PDXDC1: variants seen among roughly 807,000 people sequenced by gnomAD.
PDXDC1 encodes pyridoxal dependent decarboxylase domain containing 1.
In PDXDC1, 42 loss-of-function variants were observed where a neutral mutation model predicts 100.1. The ratio of observed to expected loss-of-function variants is 0.42; its 90% CI spans 0.33 to 0.54. The LOEUF (loss-of-function observed/expected upper bound fraction) is 0.54. PDXDC1 is among the 20% of genes least tolerant of loss of function. The pLI, the probability that PDXDC1 is intolerant of heterozygous loss-of-function variation, is 0.10. For missense variants in PDXDC1, 636 were observed against 979.2 expected (o/e 0.65, Z 4.68); for synonymous variants, 260 against 371.7 (o/e 0.70, Z 3.46).
chr16:15,140,692 T>C (rs2048458799), downstream of PDXDC1, among the ~76,000 whole-genome samples: 1 of 152,038 alleles, frequency 6.6e-6, no homozygotes, highest in Non-Finnish European at 1.5e-5. Context: ...GCTGGTGATG[T>C]GGAGGTGAGA....
chr16:15,150,039 C>G, the PDXDC1 span, among the ~76,000 whole-genome samples: 1 of 151,978 alleles, frequency 6.6e-6, no homozygotes, highest in Admixed American at 6.6e-5. Context: ...GGAAGGGAAG[C>G]TCCTAGACAT....
chr16:14,985,129 G>A (rs532538468), intron 1 of PDXDC1, among the ~76,000 whole-genome samples: 2 of 152,192 alleles, frequency 1.3e-5, no homozygotes, highest in African/African-American at 2.4e-5. Context: ...TGCCCACCCC[G>A]GCCTCCCAAA....
chr16:15,125,591 C>T lies in PDXDC1; in HGVS notation c.1400-13288C>T, dbSNP rs574202127. On this transcript the variant is annotated intron_variant, in intron 16 of 16. Transcript: ENST00000535621. ...AGAAACAAGTCACTCTTCACCTGTC[C>T]AGCAAAGGCCTGCTGAGAGGTGCAC... 8.2e-5 allele frequency: 116 copies of T among 1,422,190 alleles called. No homozygotes were observed. In the Middle Eastern group the frequency reaches 3.2e-3, roughly 39 times the overall value. The allele number at this position is 1,422,190 out of a possible 1,614,324, so 88.1% of individuals were successfully genotyped here.
intron 16 of PDXDC1, chr16:15,134,041 G>A (rs1161664255): frequency 1.9e-6 from 3 of 1,566,828 alleles, no homozygotes; most frequent in Non-Finnish European, 2.6e-6. Context: ...TCCAGCACCA[G>A]TGTCTTGTTG....
At chr16:15,089,427 AGAGT>A (rs1333864741) in intron 16 of PDXDC1, among the ~76,000 whole-genome samples, 1 of 152,184 alleles carries the variant, frequency 6.6e-6, no homozygotes, top group Non-Finnish European at 1.5e-5. Context: ...AAGAATCAAC[AGAGT>A]GAGAAAAGAG....
chr16:14,990,076 G>C lies in PDXDC1; in HGVS notation c.22-7677G>C, dbSNP rs571803269. ...CCCCCAAACCACAGAAGCAGCAGTAGGAGGCCAAGCAGGCAGAGGAGGCGG... is the reference window on the plus strand; with the variant it reads ...CCCCCAAACCACAGAAGCAGCAGTACGAGGCCAAGCAGGCAGAGGAGGCGG... On this transcript the variant is annotated intron_variant, in intron 1 of 22. Transcript: ENST00000396410. The C allele has an allele frequency of 1.1e-4, 171 of 1,494,750 alleles. 1 individual carries two copies. The East Asian group carries it at 2.7e-3, about 23-fold the overall frequency. 92.6% of individuals were successfully genotyped at this position (1,494,750 alleles called of 1,614,324 possible). A position where few individuals can be genotyped will look rare whatever the true frequency, so the allele number is the denominator to read the frequency against.
intron 8 of PDXDC1, among the ~76,000 whole-genome samples, chr16:15,015,411 C>T (rs1251485101): frequency 1.3e-5 from 2 of 152,186 alleles, no homozygotes; most frequent in East Asian, 1.9e-4. Context: ...GATGTAATCT[C>T]CTAAAAGAAA....
At chr16:15,023,444 G>A (rs2042351127) in intron 13 of PDXDC1, among the ~76,000 whole-genome samples, 1 of 152,292 alleles carries the variant, frequency 6.6e-6, no homozygotes, top group Non-Finnish European at 1.5e-5. Context: ...ACATTTGAGT[G>A]TATTTGGGGT....
At chr16:15,077,934 G>A (rs1316680053) in intron 16 of PDXDC1, among the ~76,000 whole-genome samples, 6 of 152,158 alleles carry the variant, frequency 3.9e-5, no homozygotes, top group African/African-American at 1.4e-4. Flanking sequence ...CTATGCACAA[G>A]ACACTCACAG....
chr16:15,031,878 C>T lies in PDXDC1; in HGVS notation c.1543C>T (p.Pro515Ser). The T allele has an allele frequency of 6.2e-7, 1 of 1,612,844 alleles. No individual in the cohort carries two copies. Among genetic ancestry groups the T allele is most frequent in the Non-Finnish European group, 8.5e-7 (1 of 1,179,420 alleles). The change falls in exon 17 of 23, where the codon CCT becomes TCT. Residue 515 changes from proline to serine, a missense_variant. By Grantham distance (74) the Pro-to-Ser change is moderately conservative. Around this residue, in one of 4 missense-constraint regions of PDXDC1, gnomAD observed 452 missense variants for 402.9 expected, o/e 1.12. Coordinates refer to ENST00000396410, the MANE Select transcript of PDXDC1 (RefSeq NM_015027.4). ...ATAGLLYVDD[P>S]NWSGIGVVRY... ...AGCAGGTCTCCTATATGTTGATGAC[C>T]CTAACTGGTCTGGAATAGGGGTTGT...
In PDXDC1 at chr16:15,007,157, C is replaced by CTTTTTTTTT. The variant is rs56256230; in HGVS notation, c.579+597_579+605dup. Among the ~76,000 whole-genome samples, 4 of 73,958 alleles carry CTTTTTTTTT rather than the reference C, an allele frequency of 5.4e-5. 2 individuals are homozygous for CTTTTTTTTT. Among genetic ancestry groups the CTTTTTTTTT allele is most frequent in the Non-Finnish European group, 9.4e-5 (4 of 42,648 alleles). The allele number at this position is 73,958 out of a possible 152,430, so 48.5% of individuals were successfully genotyped here. A position where few individuals can be genotyped will look rare whatever the true frequency, so the allele number is the denominator to read the frequency against. On this transcript the variant is annotated intron_variant, in intron 6 of 22. Transcript: ENST00000396410. ...AGAATTGCTGGATCAAAGAGCATGA[C>CTTTTTTTTT]TTTTTTTTTTTTTTTTTTTTTTTTT...
chr16:14,984,916 C>T lies in PDXDC1; in HGVS notation c.21+9696C>T, dbSNP rs571211109. ...CTGAAACAGAGTCTTGCTCTGTCAC[C>T]TAGGCTGGAGTGCAGTGGTGCATTC... On this transcript the variant is annotated intron_variant, in intron 1 of 22. Coordinates refer to ENST00000396410, the MANE Select transcript of PDXDC1 (RefSeq NM_015027.4). Among the ~76,000 whole-genome samples, 8 of 152,356 alleles carry T rather than the reference C, an allele frequency of 5.3e-5. No individual in the cohort carries two copies. The East Asian group carries it at 1.5e-3, about 29-fold the overall frequency.
chr16:14,986,445 G>T (rs1268282133), intron 1 of PDXDC1, among the ~76,000 whole-genome samples: 1 of 152,290 alleles, frequency 6.6e-6, no homozygotes, highest in Non-Finnish European at 1.5e-5. Flanking sequence ...CTCCAGCCTG[G>T]GAGACAGAAT....
chr16:15,148,437 G>A, the PDXDC1 span, among the ~76,000 whole-genome samples: 1 of 129,602 alleles, frequency 7.7e-6, no homozygotes, highest in Non-Finnish European at 1.6e-5. Flanking sequence ...AGCCTGGAGT[G>A]CAGTGGTGTG....
chr16:14,984,315 CT>C (rs1167894912), intron 1 of PDXDC1, among the ~76,000 whole-genome samples: 15,638 of 106,260 alleles, frequency 0.15, 407 homozygotes, highest in East Asian at 0.3. Context: ...GCACCCCCGC[CT>C]TTTTTTTTTT....
intron 16 of PDXDC1, among the ~76,000 whole-genome samples, chr16:15,128,773 ACCT>A (rs2047898205): frequency 6.7e-6 from 1 of 148,600 alleles, no homozygotes; most frequent in African/African-American, 2.5e-5. Context: ...AAGCTGTGTC[ACCT>A]CCTCTCCCAG....
At chr16:15,063,283 C>G (rs571309624) in intron 16 of PDXDC1, 18 of 1,606,908 alleles carry the variant, frequency 1.1e-5, no homozygotes, top group Non-Finnish European at 1.5e-5. Context: ...ATTTCTTTGA[C>G]CTGTCAACAA....
intron 16 of PDXDC1, among the ~76,000 whole-genome samples, chr16:15,074,209 T>C (rs1427687195): frequency 6.6e-6 from 1 of 152,198 alleles, no homozygotes; most frequent in East Asian, 1.9e-4. Context: ...CAACTCAGAT[T>C]CCAGTTCTAT....
At chr16:15,076,746 G>T in intron 16 of PDXDC1, 1 of 848,600 alleles carries the variant, frequency 1.2e-6, no homozygotes, top group Non-Finnish European at 2.0e-6. Flanking sequence ...GCATGTTCAA[G>T]GTGTCCAGAT....
Sources: allele counts gnomAD v4.1 joint callset (sites outside exome capture counted in the v4.1 genomes callset), GRCh38; gene constraint gnomAD v4.1.1; regional missense constraint gnomAD v4.1.1; transcripts MANE v1.5; gene names NCBI Gene and HGNC (gene_info 2026-07-23, HGNC 2026-07-21).